The following CADPS2 variants were observed in gnomAD, a reference collection of about 807,000 sequenced individuals.
CADPS2 encodes calcium-dependent secretion activator 2.
CADPS2 carries 93 observed loss-of-function variants against 172.5 expected under a neutral mutation model. The ratio of observed to expected loss-of-function variants is 0.54; its 90% confidence interval spans 0.46 to 0.64. The LOEUF (loss-of-function observed/expected upper bound fraction) is 0.64, where lower values mean the gene tolerates loss of function less well. Among genes scored for constraint, CADPS2 ranks in the 30% least tolerant of loss-of-function variants. The pLI, the probability that CADPS2 is intolerant of heterozygous loss-of-function variation, is 0.00. For missense variants in CADPS2, 1,420 were observed against 1,565.9 expected (o/e 0.91, Z 1.57); for synonymous variants, 546 against 555.2 (o/e 0.98, Z 0.23).
rs2053124917 is a variant in CADPS2, at chr7:122,451,590, G to C, written c.2187-115C>G. On this transcript the variant is annotated intron_variant, in intron 14 of 29. Transcript: ENST00000449022. ...AAAGTTCACTGTATACATATTAATT[G>C]TGTTTACAGTGGAAATTTACTGGAA... 4 of 516,644 alleles carry C rather than the reference G, an allele frequency of 7.7e-6. No homozygotes were observed. In the South Asian group the frequency reaches 1.1e-4, roughly 15 times the overall value. 32.0% of individuals were successfully genotyped at this position (516,644 alleles called of 1,614,324 possible).
chr7:122,668,585 G>A (rs1416508489), intron 2 of CADPS2, among the ~76,000 whole-genome samples: 1 of 152,154 alleles, frequency 6.6e-6, no homozygotes. Flanking sequence ...GAATAAGAGA[G>A]ACAGAGACAG....
At chr7:122,605,308 AAATT>A (rs2073366785) in intron 6 of CADPS2, among the ~76,000 whole-genome samples, 1 of 152,100 alleles carries the variant, frequency 6.6e-6, no homozygotes, top group African/African-American at 2.4e-5. Flanking sequence ...ACTAGTAAAA[AAATT>A]AAGTAACTGT....
intron 20 of CADPS2, among the ~76,000 whole-genome samples, chr7:122,407,287 T>C (rs1425744355): frequency 3.3e-5 from 5 of 152,140 alleles, no homozygotes; most frequent in Non-Finnish European, 7.4e-5. Context: ...TAAAGAAGGG[T>C]GCCTAGGTTA....
chr7:122,392,241 C>T (rs1300131525), intron 22 of CADPS2, among the ~76,000 whole-genome samples: 1 of 151,872 alleles, frequency 6.6e-6, no homozygotes, highest in African/African-American at 2.4e-5. Context: ...AAAAACTATA[C>T]CATTATAAAT....
intron 7 of CADPS2, among the ~76,000 whole-genome samples, chr7:122,561,994 G>A (rs1338897022): frequency 6.6e-6 from 1 of 152,120 alleles, no homozygotes; most frequent in Non-Finnish European, 1.5e-5. Flanking sequence ...TCACTGTGGT[G>A]AAAAGAGAAA....
At chr7:122,740,183 A>C (rs1437775522) in intron 1 of CADPS2, among the ~76,000 whole-genome samples, 1 of 152,160 alleles carries the variant, frequency 6.6e-6, no homozygotes, top group Non-Finnish European at 1.5e-5. Flanking sequence ...GTTTCTTACA[A>C]ATTAATACAC....
chr7:122,679,184 A>G (rs1301124493), intron 2 of CADPS2, among the ~76,000 whole-genome samples: 1 of 149,720 alleles, frequency 6.7e-6, no homozygotes, highest in Non-Finnish European at 1.5e-5. Context: ...ATTACCGAAA[A>G]CAGGTAAGAT....
At chr7:122,445,552 C>A (rs2052052774) in intron 15 of CADPS2, among the ~76,000 whole-genome samples, 1 of 152,114 alleles carries the variant, frequency 6.6e-6, no homozygotes, top group African/African-American at 2.4e-5. Flanking sequence ...TGTGGTGGCT[C>A]ATGCCTGTAA....
chr7:122,361,035 T>C (rs370404963), intron 25 of CADPS2, 22 bp from the exon 26 acceptor site: 70 of 1,584,448 alleles, frequency 4.4e-5, no homozygotes, highest in African/African-American at 4.2e-4. Context: ...TTATAGTGAG[T>C]ATTTAGAATG....
At chr7:122,834,241 C>T (rs1190829372) in intron 1 of CADPS2, among the ~76,000 whole-genome samples, 1 of 152,140 alleles carries the variant, frequency 6.6e-6, no homozygotes. Flanking sequence ...CAAAGCCTAA[C>T]CTTTGGGAAA....
chr7:122,833,469 G>C (rs780519115), intron 1 of CADPS2, among the ~76,000 whole-genome samples: 102 of 151,976 alleles, frequency 6.7e-4, no homozygotes, highest in Non-Finnish European at 1.3e-3. Flanking sequence ...TCTTGCCTCA[G>C]CCCTCAGCCT....
chr7:122,405,827 G>T (rs1223915689), intron 20 of CADPS2, among the ~76,000 whole-genome samples: 1 of 152,122 alleles, frequency 6.6e-6, no homozygotes, highest in Non-Finnish European at 1.5e-5. Flanking sequence ...AATGAAATTG[G>T]ATAGGAGAAT....
At chr7:122,339,046 A>G (rs1332170454) in intron 28 of CADPS2, 1 of 151,758 alleles carries the variant, frequency 6.6e-6, no homozygotes, top group Non-Finnish European at 1.5e-5. Context: ...GATTATAGGC[A>G]TGAGCCATCC....
In CADPS2 at chr7:122,442,204, C is replaced by G. The variant is rs554068471; in HGVS notation, c.2289-629G>C. ...GTTCTGAAATCAGTGTCAGACAAGGCTGGATTGTGAGTGGGCTACTCAGAA... is the reference window on the plus strand; with the variant it reads ...GTTCTGAAATCAGTGTCAGACAAGGGTGGATTGTGAGTGGGCTACTCAGAA... On this transcript the variant is annotated intron_variant, in intron 15 of 29. Transcript: ENST00000449022. Among the ~76,000 whole-genome samples the G allele has an allele frequency of 1.6e-4, 24 of 152,324 alleles. No homozygotes were observed. In the South Asian group the frequency reaches 4.1e-3, roughly 26 times the overall value.
At chr7:122,750,460 C>G (rs1037184996) in intron 1 of CADPS2, among the ~76,000 whole-genome samples, 2 of 152,098 alleles carry the variant, frequency 1.3e-5, no homozygotes, top group African/African-American at 4.8e-5. Context: ...ACAACATCTT[C>G]CTTTGTTCTT....
At chr7:122,708,702 C>G (rs2088089320) in intron 2 of CADPS2, among the ~76,000 whole-genome samples, 1 of 151,578 alleles carries the variant, frequency 6.6e-6, no homozygotes, top group African/African-American at 2.4e-5. Flanking sequence ...ATTAAACTCT[C>G]TTCTTCATTC....
chr7:122,884,920 CCT>C (rs1823913977), intron 1 of CADPS2, among the ~76,000 whole-genome samples: 1 of 152,264 alleles, frequency 6.6e-6, no homozygotes, highest in African/African-American at 2.4e-5. Flanking sequence ...CAACTCAAAA[CCT>C]CTCCAAATTT....
intron 11 of CADPS2, among the ~76,000 whole-genome samples, chr7:122,483,169 C>T (rs1291096636): frequency 6.6e-6 from 1 of 152,064 alleles, no homozygotes; most frequent in Non-Finnish European, 1.5e-5. Context: ...TCAGAACAAG[C>T]ATTTTTATGA....
intron 28 of CADPS2, among the ~76,000 whole-genome samples, chr7:122,332,968 A>C (rs2035245101): frequency 6.6e-6 from 1 of 152,218 alleles, no homozygotes; most frequent in South Asian, 2.1e-4. Context: ...TGGAAAGTGA[A>C]AATTTCAGAC....
Sources: gnomAD v4.1 joint callset for allele counts (sites outside exome capture counted in the v4.1 genomes callset) on GRCh38, gnomAD v4.1.1 for gene constraint, MANE v1.5 for transcripts, NCBI Gene and HGNC (gene_info 2026-07-23, HGNC 2026-07-21) for gene names.